NCOA2: variants seen among roughly 807,000 people sequenced by gnomAD.
NCOA2 encodes the protein nuclear receptor coactivator 2.
In NCOA2, 21 loss-of-function variants were observed where a neutral mutation model predicts 145.1. The ratio of observed to expected loss-of-function variants is 0.14; its 90% confidence interval spans 0.10 to 0.21. The LOEUF is 0.21. NCOA2 is among the 10% of genes least tolerant of loss of function. NCOA2 has a pLI of 1.00. For synonymous variants in NCOA2, 619 were observed against 637.5 expected (o/e 0.97, Z 0.44); for missense variants, 1,472 against 1,837.6 (o/e 0.80, Z 3.64).
the NCOA2 span, among the ~76,000 whole-genome samples, chr8:70,431,135 C>A: frequency 6.6e-6 from 1 of 151,938 alleles, no homozygotes; most frequent in Admixed American, 6.6e-5. Flanking sequence ...TAAAGACTGG[C>A]TGAGAATCTC....
At chr8:70,305,075 G>A (rs561796870) in intron 1 of NCOA2, among the ~76,000 whole-genome samples, 42 of 136,988 alleles carry the variant, frequency 3.1e-4, no homozygotes, top group African/African-American at 1.1e-3. Flanking sequence ...TTGTAGAGAT[G>A]GGGTTTTGCT....
intron 16 of NCOA2, among the ~76,000 whole-genome samples, chr8:70,129,564 G>A (rs534814847): frequency 2.0e-5 from 3 of 152,146 alleles, no homozygotes. Flanking sequence ...AATGTGATGC[G>A]CTGCCTATTA....
At chr8:70,421,360 G>A in the NCOA2 span, among the ~76,000 whole-genome samples, 50 of 152,106 alleles carry the variant, frequency 3.3e-4, no homozygotes, top group African/African-American at 1.2e-3. Flanking sequence ...AGACTAGCCT[G>A]GGAAACATAG....
chr8:70,306,716 A>C (rs1827921615), intron 1 of NCOA2, among the ~76,000 whole-genome samples: 1 of 152,038 alleles, frequency 6.6e-6, no homozygotes, highest in Admixed American at 6.6e-5. Flanking sequence ...TCGTCTCTAC[A>C]AAAAATACAA....
intron 1 of NCOA2, among the ~76,000 whole-genome samples, chr8:70,297,082 A>G (rs1451794147): frequency 1.3e-5 from 2 of 152,222 alleles, no homozygotes; most frequent in Non-Finnish European, 2.9e-5. Flanking sequence ...CCGTCCTTAT[A>G]CTTTAACTGC....
intron 15 of NCOA2, among the ~76,000 whole-genome samples, chr8:70,133,675 A>G: frequency 6.6e-6 from 1 of 152,174 alleles, no homozygotes; most frequent in East Asian, 1.9e-4. Flanking sequence ...AAAACAAACA[A>G]AAAGTTTATA....
At chr8:70,140,111 T>G (rs367552964) in intron 14 of NCOA2, among the ~76,000 whole-genome samples, 2 of 152,202 alleles carry the variant, frequency 1.3e-5, no homozygotes, top group Non-Finnish European at 2.9e-5. Flanking sequence ...TATTGAGAGA[T>G]AATTCACATA....
In NCOA2 at chr8:70,110,013, T is replaced by C. The variant is rs547050033; in HGVS notation, c.*3619A>G. ...AGTGATGTTCAGAGTCAACTCCATT[T>C]TGAAAATAAATCACAACCTGAAACA... On this transcript the variant is annotated 3_prime_UTR_variant, in exon 23 of 23. Coordinates refer to ENST00000452400, the MANE Select transcript of NCOA2 (RefSeq NM_006540.4). The C allele has an allele frequency of 5.2e-6, 1 of 194,174 alleles. No homozygotes were observed. The highest frequency in any genetic ancestry group is 1.9e-4 in the South Asian group (1 of 5,184). The allele number at this position is 194,174 out of a possible 1,614,324, so 12.0% of individuals were successfully genotyped here.
At chr8:70,390,957 C>T (rs1201205778) in intron 1 of NCOA2, among the ~76,000 whole-genome samples, 1 of 152,096 alleles carries the variant, frequency 6.6e-6, no homozygotes, top group Admixed American at 6.5e-5. Flanking sequence ...TGAGAATGAA[C>T]CCCTATGCAC....
At chr8:70,344,891 T>C (rs1450814835) in intron 1 of NCOA2, among the ~76,000 whole-genome samples, 1 of 152,200 alleles carries the variant, frequency 6.6e-6, no homozygotes, top group African/African-American at 2.4e-5. Flanking sequence ...TAATGTAAAA[T>C]GTGCCTCAAG....
the NCOA2 span, among the ~76,000 whole-genome samples, chr8:70,421,063 T>C: frequency 1.6e-4 from 24 of 152,098 alleles, no homozygotes; most frequent in Non-Finnish European, 3.2e-4. Flanking sequence ...TAAAATGAGG[T>C]CAGAGATTCT....
intron 1 of NCOA2, among the ~76,000 whole-genome samples, chr8:70,329,914 C>T (rs367880434): frequency 6.6e-6 from 1 of 152,122 alleles, no homozygotes; most frequent in East Asian, 1.9e-4. Context: ...ACCAAGGTCA[C>T]CACAGCGGTT....
At chr8:70,176,838 T>G (rs1207028801) in intron 4 of NCOA2, among the ~76,000 whole-genome samples, 1 of 152,178 alleles carries the variant, frequency 6.6e-6, no homozygotes, top group South Asian at 2.1e-4. Context: ...CCACACTCTG[T>G]GGGGTCTTCT....
At chr8:70,282,089 C>T (rs932262004) in intron 2 of NCOA2, among the ~76,000 whole-genome samples, 1 of 152,140 alleles carries the variant, frequency 6.6e-6, no homozygotes, top group Non-Finnish European at 1.5e-5. Flanking sequence ...CAAATGTCTA[C>T]TAACCCCAAC....
chr8:70,415,677 C>T, the NCOA2 span, among the ~76,000 whole-genome samples: 2 of 152,108 alleles, frequency 1.3e-5, no homozygotes, highest in Non-Finnish European at 2.9e-5. Flanking sequence ...TTGCTGGGCA[C>T]GGGTTAGGAG....
At chr8:70,147,732 A>G (rs914695998) in intron 12 of NCOA2, among the ~76,000 whole-genome samples, 24 of 152,256 alleles carry the variant, frequency 1.6e-4, no homozygotes, top group African/African-American at 5.3e-4. Flanking sequence ...GTTTATATGA[A>G]GATTCCTGAG....
chr8:70,435,553 T>C, the NCOA2 span, among the ~76,000 whole-genome samples: 2 of 151,164 alleles, frequency 1.3e-5, no homozygotes, highest in Non-Finnish European at 2.9e-5. Context: ...CTCTCTGTTC[T>C]CCAGTTTTCT....
intron 2 of NCOA2, among the ~76,000 whole-genome samples, chr8:70,249,977 A>AAAAAAGAAGAAGAAG (rs751876043): frequency 7.3e-6 from 1 of 137,918 alleles, no homozygotes; most frequent in African/African-American, 2.8e-5. Flanking sequence ...AAAAAAAAAA[A>AAAAAAGAAGAAGAAG]AAGAAGAAGA....
intron 1 of NCOA2, among the ~76,000 whole-genome samples, chr8:70,356,050 G>A (rs1228245262): frequency 6.6e-6 from 1 of 152,168 alleles, no homozygotes; most frequent in East Asian, 1.9e-4. Context: ...GGCTACACAA[G>A]TATTTTCATA....
Sources: gnomAD v4.1 joint callset for allele counts (sites outside exome capture counted in the v4.1 genomes callset) on GRCh38, gnomAD v4.1.1 for gene constraint, MANE v1.5 for transcripts, NCBI Gene and HGNC (gene_info 2026-07-23, HGNC 2026-07-21) for gene names.